The following IREB2 variants were observed in gnomAD, a reference collection of about 807,000 sequenced individuals.
IREB2 encodes iron-responsive element-binding protein 2.
IREB2 carries 39 observed loss-of-function variants against 118.8 expected under a neutral mutation model. That is an observed-to-expected ratio of 0.33 (90% CI 0.25 to 0.43). The LOEUF is 0.43. Among genes scored for constraint, IREB2 ranks in the 20% least tolerant of loss-of-function variants. The probability of loss-of-function intolerance (pLI) is 1.00; values close to 1 mark genes in which losing one functional copy is unlikely to be tolerated. For missense variants in IREB2, 900 were observed against 1,147.3 expected, an observed-to-expected ratio of 0.78 and a Z score of 3.11; for synonymous variants, 372 against 392.2, an observed-to-expected ratio of 0.95 and a Z score of 0.61.
At position 78,499,141 on chromosome 15, in the gene IREB2, T is replaced by G. The variant is rs1028317744; in HGVS notation, c.*998T>G. 1.3e-5 allele frequency: 2 copies of G among 152,206 alleles called. No homozygotes were observed. Among genetic ancestry groups the G allele is most frequent in the Admixed American group, 1.3e-4 (2 of 15,276 alleles). The allele number at this position is 152,206 out of a possible 1,614,324, so 9.4% of individuals were successfully genotyped here. On this transcript the variant is annotated 3_prime_UTR_variant, in exon 22 of 22. Coordinates refer to ENST00000258886, the MANE Select transcript of IREB2 (RefSeq NM_004136.4). ...TTGCTATTTCTTAATTAAATTGATT[T>G]CCTGTCATTTTGAATCATTTATCAC...
chr15:78,489,339 C>T lies in IREB2; in HGVS notation c.2076+568C>T, dbSNP rs192699676. On this transcript the variant is annotated intron_variant, in intron 16 of 21. Coordinates refer to ENST00000258886, the MANE Select transcript of IREB2 (RefSeq NM_004136.4). ...CATTTACCTATGTAACAAACCTGCA[C>T]ATCCCGCATATGTACCCCAGAAGTT... is the stretch of plus-strand genomic sequence containing the variant. 3.2e-3 allele frequency among the ~76,000 whole-genome samples: 494 copies of T among 152,126 alleles called. 6 individuals are homozygous for T. The highest frequency in any genetic ancestry group is 0.011 in the African/African-American group (447 of 41,496).
chr15:78,478,053 C>G (rs1287103649), intron 9 of IREB2, among the ~76,000 whole-genome samples: 1 of 151,338 alleles, frequency 6.6e-6, no homozygotes, highest in Non-Finnish European at 1.5e-5. Context: ...CAAGACCCTC[C>G]CGCCACCCCA....
chr15:78,491,909 C>G (rs537295168), intron 18 of IREB2, among the ~76,000 whole-genome samples: 1 of 152,234 alleles, frequency 6.6e-6, no homozygotes, highest in East Asian at 1.9e-4. Context: ...TGATTTCCAT[C>G]TTCATCATAA....
chr15:78,484,944 C>A, intron 12 of IREB2, 24 bp downstream of exon 12: 1 of 1,593,112 alleles, frequency 6.3e-7, no homozygotes. Flanking sequence ...TATGGCCATA[C>A]TTTTTCTTTT....
chr15:78,497,067 A>G, intron 20 of IREB2, 59 bp from the exon 21 acceptor site: 1 of 1,389,494 alleles, frequency 7.2e-7, no homozygotes, highest in South Asian at 1.2e-5. Flanking sequence ...CCCCCTTTAA[A>G]TGCTCAATAA....
intron 2 of IREB2, among the ~76,000 whole-genome samples, chr15:78,459,801 A>G (rs927699366): frequency 2.0e-5 from 3 of 149,172 alleles, no homozygotes; most frequent in African/African-American, 7.4e-5. Flanking sequence ...AATCTGTAAT[A>G]GTCTTCCTCT....
intron 9 of IREB2, among the ~76,000 whole-genome samples, chr15:78,477,394 T>C (rs2051489525): frequency 6.6e-6 from 1 of 152,166 alleles, no homozygotes; most frequent in Non-Finnish European, 1.5e-5. Context: ...CCTGCAATCC[T>C]GAAGGCTTGT....
At chr15:78,476,999 T>C (rs1306813426) in intron 9 of IREB2, among the ~76,000 whole-genome samples, 1 of 152,216 alleles carries the variant, frequency 6.6e-6, no homozygotes, top group African/African-American at 2.4e-5. Flanking sequence ...CATTTCTAAG[T>C]ATAGATATTT....
At chr15:78,476,630 C>T (rs748569890) in intron 9 of IREB2, 4 of 238,142 alleles carry the variant, frequency 1.7e-5, no homozygotes, top group Admixed American at 5.0e-5. Flanking sequence ...ATACCTCCAC[C>T]TCTACTTAGG....
intron 2 of IREB2, among the ~76,000 whole-genome samples, chr15:78,454,121 CA>C (rs2051068734): frequency 6.6e-6 from 1 of 152,166 alleles, no homozygotes; most frequent in South Asian, 2.1e-4. Flanking sequence ...CTTTGGGAAA[CA>C]ATTTGGCAGT....
At chr15:78,440,877 G>A (rs944108859) in intron 2 of IREB2, among the ~76,000 whole-genome samples, 2 of 152,088 alleles carry the variant, frequency 1.3e-5, no homozygotes, top group Non-Finnish European at 2.9e-5. Context: ...GAATGTGGGC[G>A]ACCTATAGGG....
chr15:78,463,205 A>G, intron 3 of IREB2, 118 bp downstream of exon 3: 1 of 811,564 alleles, frequency 1.2e-6, no homozygotes, highest in Non-Finnish European at 1.9e-6. Context: ...TTGGGAGGCC[A>G]AGGCAGGAAG....
chr15:78,468,732 T>A (rs910398549), intron 5 of IREB2, among the ~76,000 whole-genome samples: 20 of 152,194 alleles, frequency 1.3e-4, no homozygotes, highest in Non-Finnish European at 5.9e-5. Flanking sequence ...GGGCTTAATA[T>A]TTTTATGAAG....
intron 15 of IREB2, 30 bp downstream of exon 15, chr15:78,488,366 T>A: frequency 2.7e-6 from 4 of 1,504,788 alleles, no homozygotes; most frequent in Non-Finnish European, 3.6e-6. Flanking sequence ...TATGTATACC[T>A]ACACATACTT....
At chr15:78,484,424 CA>C (rs1388696737) in intron 11 of IREB2, among the ~76,000 whole-genome samples, 1 of 152,058 alleles carries the variant, frequency 6.6e-6, no homozygotes, top group African/African-American at 2.4e-5. Context: ...GTCATTTTAA[CA>C]GAAAAAAATT....
intron 2 of IREB2, among the ~76,000 whole-genome samples, chr15:78,446,121 G>A (rs2050924580): frequency 6.6e-6 from 1 of 152,144 alleles, no homozygotes; most frequent in East Asian, 1.9e-4. Context: ...GCACTTGTCA[G>A]GAGTCTATTG....
upstream of IREB2, chr15:78,438,120 C>G (rs1338782305): frequency 6.9e-5 from 39 of 563,986 alleles, no homozygotes; most frequent in Non-Finnish European, 1.1e-4. Context: ...CCTTCCCTTT[C>G]TTTGTTTTCC....
intron 2 of IREB2, among the ~76,000 whole-genome samples, chr15:78,451,175 A>G (rs758900458): frequency 1.5e-4 from 23 of 152,180 alleles, no homozygotes; most frequent in Middle Eastern, 3.4e-3. Context: ...CATGTTGGCC[A>G]GGCTGGTCTC....
rs774458478 is a variant in IREB2 at position 78,484,768 on chromosome 15, T to A, written c.1421T>A (p.Phe474Tyr). 6.2e-7 allele frequency: 1 copy of A among 1,612,406 alleles called. No individual in the cohort carries two copies. The highest frequency in any genetic ancestry group is 8.5e-7 in the Non-Finnish European group (1 of 1,179,266). Residue 474 changes from phenylalanine (F) to tyrosine (Y), a missense_variant, in exon 12 of 22, where the codon TTT (phenylalanine) becomes TAT (tyrosine). By Grantham distance (22) the Phe-to-Tyr change is conservative (BLOSUM62 3). Coordinates refer to ENST00000258886, the MANE Select transcript of IREB2 (RefSeq NM_004136.4). ...FQACLNEKVG[F>Y]KGFQIAAEKQ... ...TTGTGGAAATTTGTATAGGTTGGAT[T>A]TAAAGGCTTCCAAATTGCAGCTGAA...
Sources: gnomAD v4.1 joint callset for allele counts (sites outside exome capture counted in the v4.1 genomes callset) on GRCh38, gnomAD v4.1.1 for gene constraint, MANE v1.5 for transcripts, NCBI Gene and HGNC (gene_info 2026-07-23, HGNC 2026-07-21) for gene names.